The following CCDC15 variants were observed in gnomAD, a reference collection of about 807,000 sequenced individuals.
The protein encoded by CCDC15 is coiled-coil domain containing 15, also known as coiled-coil domain-containing protein 15.
A neutral mutation model predicts 114.5 loss-of-function variants in CCDC15; 105 were observed. The ratio of observed to expected loss-of-function variants is 0.92; its 90% CI spans 0.78 to 1.08. CCDC15 has a LOEUF of 1.08. Ranked by LOEUF, CCDC15 falls within the 50% of genes least tolerant of loss-of-function variation. CCDC15 has a pLI of 0.00. For synonymous variants in CCDC15, 334 were observed against 377.8 expected (o/e 0.88, Z 1.34); for missense variants, 1,105 against 1,093.6 (o/e 1.01, Z -0.15).
intron 11 of CCDC15, among the ~76,000 whole-genome samples, chr11:125,003,639 G>T (rs1829434124): frequency 1.3e-5 from 2 of 151,854 alleles, no homozygotes; most frequent in South Asian, 4.2e-4. Flanking sequence ...TCATGTTTTT[G>T]ACCTGAACCC....
At chr11:125,007,484 G>C (rs1948560979) in intron 13 of CCDC15, among the ~76,000 whole-genome samples, 1 of 152,286 alleles carries the variant, frequency 6.6e-6, no homozygotes, top group Middle Eastern at 3.4e-3. Flanking sequence ...CTCTGTTGAA[G>C]ACACTTAGGT....
intron 13 of CCDC15, among the ~76,000 whole-genome samples, chr11:125,015,875 A>G (rs1948626199): frequency 6.6e-6 from 1 of 152,186 alleles, no homozygotes; most frequent in East Asian, 1.9e-4. Context: ...GCAGGCCCCT[A>G]TACTTGCAGC....
intron 6 of CCDC15, 47 bp from the exon 7 acceptor site, chr11:124,986,690 TTTGTG>T (rs1565366307): frequency 7.9e-5 from 107 of 1,352,496 alleles, no homozygotes; most frequent in Non-Finnish European, 2.9e-6. Context: ...TGTGTGTGTG[TTTGTG>T]TGTGTGCGCG....
At chr11:124,964,366 A>G (rs1020019719) in intron 4 of CCDC15, among the ~76,000 whole-genome samples, 1 of 152,050 alleles carries the variant, frequency 6.6e-6, no homozygotes, top group African/African-American at 2.4e-5. Flanking sequence ...ACATCCCTTC[A>G]TGTAAGTTGG....
chr11:125,040,983 T>TC lies in CCDC15; in HGVS notation c.*273dup. 3.0e-6 allele frequency: 1 copy of TC among 331,372 alleles called. No homozygotes were observed. Among genetic ancestry groups the TC allele is most frequent in the South Asian group, 5.3e-5 (1 of 18,936 alleles). The allele number at this position is 331,372 out of a possible 1,614,324, so 20.5% of individuals were successfully genotyped here. On this transcript the variant is annotated 3_prime_UTR_variant, in exon 16 of 16. Coordinates refer to ENST00000344762, the MANE Select transcript of CCDC15 (RefSeq NM_025004.3). ...TAAGGCTTCTCTTACTTTGCTCTGC[T>TC]CTGATCAGAAGAGCTCATGTGAAGT...
chr11:124,997,290 T>A (rs1948389748), intron 11 of CCDC15, among the ~76,000 whole-genome samples: 1 of 152,218 alleles, frequency 6.6e-6, no homozygotes, highest in African/African-American at 2.4e-5. Context: ...TATCATTTTT[T>A]AAATTATTGT....
chr11:125,000,747 G>T (rs976702274), intron 11 of CCDC15, among the ~76,000 whole-genome samples: 1 of 152,040 alleles, frequency 6.6e-6, no homozygotes, highest in Non-Finnish European at 1.5e-5. Context: ...AATAATAATA[G>T]CTTTATTGAT....
chr11:124,975,021 T>C, intron 4 of CCDC15, 75 bp from the exon 5 acceptor site: 2 of 852,706 alleles, frequency 2.3e-6, no homozygotes, highest in South Asian at 3.8e-5. Context: ...CCTGTTTTCC[T>C]GTTGGAACAC....
At chr11:125,025,039 C>CATATGAATAT (rs1259998527) in intron 13 of CCDC15, among the ~76,000 whole-genome samples, 7 of 27,490 alleles carry the variant, frequency 2.5e-4, no homozygotes, top group East Asian at 6.1e-3. Context: ...TATATGAATA[C>CATATGAATAT]ATATGAATAT....
intron 5 of CCDC15, 70 bp from the exon 6 acceptor site, chr11:124,977,408 A>G: frequency 7.3e-7 from 1 of 1,370,960 alleles, no homozygotes; most frequent in Non-Finnish European, 9.6e-7. Flanking sequence ...TTTCACAGAA[A>G]CTCAACTTAG....
intron 2 of CCDC15, among the ~76,000 whole-genome samples, chr11:124,958,492 A>G (rs527565347): frequency 2.0e-5 from 3 of 152,298 alleles, no homozygotes; most frequent in South Asian, 4.1e-4. Flanking sequence ...TTGAGCAATT[A>G]TATAAATATA....
intron 11 of CCDC15, among the ~76,000 whole-genome samples, chr11:124,993,559 A>G (rs1948307884): frequency 6.6e-6 from 1 of 152,174 alleles, no homozygotes; most frequent in African/African-American, 2.4e-5. Context: ...CTTTTAGCAC[A>G]GGAACTATGA....
chr11:125,016,830 C>G (rs1427412330), intron 13 of CCDC15, among the ~76,000 whole-genome samples: 1 of 152,140 alleles, frequency 6.6e-6, no homozygotes, highest in Non-Finnish European at 1.5e-5. Context: ...ATACTACTGA[C>G]CTTCTTTGAA....
At chr11:124,975,885 T>C (rs1947964565) in intron 5 of CCDC15, among the ~76,000 whole-genome samples, 2 of 145,390 alleles carry the variant, frequency 1.4e-5, no homozygotes, top group African/African-American at 5.4e-5. Context: ...AAAGAAAAAT[T>C]CTTTTGATTC....
In CCDC15 at chr11:124,987,808, C is replaced by A. The variant is rs111904209; in HGVS notation, c.1582C>A (p.Gln528Lys). Residue 528 changes from glutamine (Q) to lysine (K), a missense_variant, in exon 8 of 16, where the codon CAA becomes AAA. Gln to Lys is a moderately conservative substitution (Grantham distance 53). Transcript: ENST00000344762. ...AGACCAGAATATTCTACCTAAATAT[C>A]AAGGCCAGGATTTTCTACCTAAAGA... is the stretch of plus-strand genomic sequence containing the variant. ...PKDQNILPKYQGQDFLPKDQD... is the reference protein window; with the variant it reads ...PKDQNILPKYKGQDFLPKDQD... The A allele has an allele frequency of 1.7e-5, 28 of 1,605,382 alleles. No individual in the cohort carries two copies. The African/African-American group carries it at 1.9e-4, about 11-fold the overall frequency.
Position 124,987,266 on chromosome 11 carries a change from AG to A in CCDC15, c.1043del (p.Gly348ValfsTer3). 6.3e-7 allele frequency: 1 copy of A among 1,588,184 alleles called. No homozygotes were observed. The highest frequency in any genetic ancestry group is 8.5e-7 in the Non-Finnish European group (1 of 1,170,124). On this transcript the variant is annotated frameshift_variant, in exon 8 of 16. Coordinates refer to ENST00000344762, the MANE Select transcript of CCDC15 (RefSeq NM_025004.3). LOFTEE classifies it high-confidence loss of function. ...GCCCAAGGTGATTTGCTGGAAACCCAGGGTGATTTGACAGGAATCCAGAGTG... is the reference window on the plus strand; with the variant it reads ...GCCCAAGGTGATTTGCTGGAAACCCAGGTGATTTGACAGGAATCCAGAGTG... The part of the protein sequence containing the change: ...LEAQGDLLET[Q>X]GDLTGIQSVK...
intron 6 of CCDC15, among the ~76,000 whole-genome samples, chr11:124,984,611 C>A (rs1250269922): frequency 1.3e-5 from 2 of 152,150 alleles, no homozygotes; most frequent in Non-Finnish European, 2.9e-5. Context: ...TTCTGCCCAC[C>A]ACCTCTCTAA....
intron 6 of CCDC15, among the ~76,000 whole-genome samples, chr11:124,982,609 T>A (rs1387661312): frequency 6.6e-6 from 1 of 152,216 alleles, no homozygotes; most frequent in East Asian, 1.9e-4. Flanking sequence ...ATGCTTAATA[T>A]AGGCCCCCAA....
At chr11:125,036,679 A>G (rs146500939) in intron 13 of CCDC15, among the ~76,000 whole-genome samples, 2,176 of 152,048 alleles carry the variant, frequency 0.014, 31 homozygotes, top group African/African-American at 0.047. Context: ...TTTGTCTCCT[A>G]TAACTGTGTA....
Sources: allele counts gnomAD v4.1 joint callset (sites outside exome capture counted in the v4.1 genomes callset), GRCh38; gene constraint gnomAD v4.1.1; transcripts MANE v1.5; gene names NCBI Gene and HGNC (gene_info 2026-07-23, HGNC 2026-07-21).